Variants in DRICH1 observed in about 807,000 individuals in gnomAD.
DRICH1 encodes aspartate rich 1.
A neutral mutation model predicts 39.5 loss-of-function variants in DRICH1; 38 were observed. That is an observed-to-expected ratio of 0.96 (90% CI 0.74 to 1.26). The LOEUF (loss-of-function observed/expected upper bound fraction) is 1.26. Among genes scored for constraint, DRICH1 ranks in the 50% most tolerant of loss-of-function variants. The pLI, the probability that DRICH1 is intolerant of heterozygous loss-of-function variation, is 0.00. For synonymous variants in DRICH1, 84 were observed against 99.5 expected (o/e 0.84, Z 0.93); for missense variants, 279 against 270.4 (o/e 1.03, Z -0.22).
rs986613185 is a variant in DRICH1 at position 23,620,613 on chromosome 22, A to G, written c.387T>C (p.Ile129=). Residue 129 remains isoleucine, a splice_region_variant and synonymous_variant, in exon 5 of 12, where the codon ATT becomes ATC. Coordinates refer to ENST00000317749, the MANE Select transcript of DRICH1 (RefSeq NM_016449.4). ...ACATACCCTGGACACGTGACGGTAA[A>G]ATCTGCAACGAGACAAAAGAAGATG... is the stretch of plus-strand genomic sequence containing the variant. ...CDDDDDDDAQ[I]LPSRVQGGCY... 6.2e-7 allele frequency: 1 copy of G among 1,613,978 alleles called. No individual in the cohort carries two copies. The highest frequency in any genetic ancestry group is 1.3e-5 in the African/African-American group (1 of 75,014).
At chr22:23,596,861 G>T in the DRICH1 span, among the ~76,000 whole-genome samples, 1 of 152,022 alleles carries the variant, frequency 6.6e-6, no homozygotes, top group Non-Finnish European at 1.5e-5. Context: ...ATGTTGTCAG[G>T]TCTAGCTGAT....
At chr22:23,586,226 C>T in the DRICH1 span, among the ~76,000 whole-genome samples, 8 of 152,334 alleles carry the variant, frequency 5.3e-5, no homozygotes, top group East Asian at 9.6e-4. Context: ...TGGTAGCTTA[C>T]GCCTGTAATC....
chr22:23,613,489 A>G, intron 10 of DRICH1, 150 bp downstream of exon 10: 1 of 887,852 alleles, frequency 1.1e-6, no homozygotes. Flanking sequence ...AAACCTTCCT[A>G]CAGCTTCTCA....
At chr22:23,593,507 A>C in the DRICH1 span, among the ~76,000 whole-genome samples, 1 of 152,218 alleles carries the variant, frequency 6.6e-6, no homozygotes. Context: ...TCTACTAAAA[A>C]TACAAAAATT....
At chr22:23,587,758 T>C in the DRICH1 span, among the ~76,000 whole-genome samples, 3 of 152,216 alleles carry the variant, frequency 2.0e-5, no homozygotes, top group Non-Finnish European at 4.4e-5. Context: ...CCACCGTGCA[T>C]GCAGTGTGAC....
At chr22:23,597,130 C>T in the DRICH1 span, among the ~76,000 whole-genome samples, 21 of 132,528 alleles carry the variant, frequency 1.6e-4, 1 homozygote, top group African/African-American at 6.0e-4. Context: ...ATTGACTGAC[C>T]CATCTTTCTT....
At chr22:23,616,214 C>T (rs138074101) in intron 8 of DRICH1, among the ~76,000 whole-genome samples, 57 of 152,296 alleles carry the variant, frequency 3.7e-4, no homozygotes, top group African/African-American at 1.2e-3. Flanking sequence ...AATTAAGTAA[C>T]TGCCTGTGAC....
chr22:23,609,706 C>T (rs1006753084), intron 11 of DRICH1, among the ~76,000 whole-genome samples: 3 of 152,168 alleles, frequency 2.0e-5, no homozygotes, highest in Non-Finnish European at 2.9e-5. Context: ...GCCTCCTCAC[C>T]GCTCTCTGCC....
chr22:23,589,081 TC>T, the DRICH1 span, among the ~76,000 whole-genome samples: 1 of 135,900 alleles, frequency 7.4e-6, no homozygotes, highest in East Asian at 2.0e-4. Context: ...TTTATTACTC[TC>T]CCAGCTGACA....
intron 6 of DRICH1, among the ~76,000 whole-genome samples, chr22:23,618,113 C>CTTTTTTTTTTTTT (rs368348650): frequency 4.7e-5 from 6 of 127,334 alleles, no homozygotes; most frequent in African/African-American, 1.7e-4. Flanking sequence ...ATCACACATT[C>CTTTTTTTTTTTTT]TTTTTTTTTT....
At chr22:23,628,222 A>T (rs554134939) in intron 1 of DRICH1, among the ~76,000 whole-genome samples, 30 of 152,166 alleles carry the variant, frequency 2.0e-4, no homozygotes, top group African/African-American at 6.5e-4. Context: ...CTCCCCTGCT[A>T]CTCAGGAGTG....
the DRICH1 span, among the ~76,000 whole-genome samples, chr22:23,582,406 C>T: frequency 6.6e-6 from 1 of 151,566 alleles, no homozygotes; most frequent in Non-Finnish European, 1.5e-5. Flanking sequence ...CCCATTCCTC[C>T]CTCCCCCAGC....
At chr22:23,592,381 A>C in the DRICH1 span, among the ~76,000 whole-genome samples, 2 of 125,054 alleles carry the variant, frequency 1.6e-5, no homozygotes, top group Non-Finnish European at 3.6e-5. Context: ...AGTGATATCA[A>C]GGAGCAAGAC....
the DRICH1 span, among the ~76,000 whole-genome samples, chr22:23,592,835 TACACACACACACACACACACAC>T: frequency 1.3e-4 from 17 of 135,136 alleles, no homozygotes; most frequent in South Asian, 2.4e-4. Context: ...CTATTAAAAA[TACACACACACACACACACACAC>T]ACACACACAC....
At chr22:23,591,579 C>G in the DRICH1 span, among the ~76,000 whole-genome samples, 1 of 152,184 alleles carries the variant, frequency 6.6e-6, no homozygotes, top group African/African-American at 2.4e-5. Flanking sequence ...AAAATTTCTG[C>G]TGACCTCATC....
At chr22:23,610,960 C>T (rs2123760894) in intron 11 of DRICH1, among the ~76,000 whole-genome samples, 1 of 149,300 alleles carries the variant, frequency 6.7e-6, no homozygotes. Context: ...TGTTCTCATT[C>T]CATCACATGC....
the DRICH1 span, among the ~76,000 whole-genome samples, chr22:23,586,188 C>T: frequency 6.6e-6 from 1 of 152,210 alleles, no homozygotes; most frequent in African/African-American, 2.4e-5. Flanking sequence ...TTATTAGATG[C>T]ATACAAATTT....
intron 11 of DRICH1, among the ~76,000 whole-genome samples, chr22:23,612,994 C>G (rs900051960): frequency 4.6e-5 from 7 of 152,148 alleles, no homozygotes; most frequent in Admixed American, 2.0e-4. Flanking sequence ...GTGCCCACTC[C>G]CAAGGAGTGT....
At chr22:23,625,935 T>C in intron 2 of DRICH1, 46 bp downstream of exon 2, 1 of 1,490,320 alleles carries the variant, frequency 6.7e-7, no homozygotes, top group South Asian at 1.1e-5. Flanking sequence ...GTTTCTGACA[T>C]CAGGAAAGCA....
Sources: allele counts gnomAD v4.1 joint callset (sites outside exome capture counted in the v4.1 genomes callset), GRCh38; gene constraint gnomAD v4.1.1; transcripts MANE v1.5; gene names NCBI Gene and HGNC (gene_info 2026-07-23, HGNC 2026-07-21).